The following PDE4D variants were observed in gnomAD, a reference collection of about 807,000 sequenced individuals.
PDE4D encodes 3',5'-cyclic-AMP phosphodiesterase 4D.
In PDE4D, 24 loss-of-function variants were observed where a neutral mutation model predicts 87.4. The ratio of observed to expected loss-of-function variants is 0.27; its 90% confidence interval spans 0.20 to 0.39. The LOEUF (loss-of-function observed/expected upper bound fraction) is 0.39, where lower values mean the gene tolerates loss of function less well. Ranked by LOEUF, PDE4D falls within the 10% of genes least tolerant of loss-of-function variation. The pLI is 1.00. For synonymous variants in PDE4D, 384 were observed against 383.2 expected (o/e 1.00, Z -0.02); for missense variants, 714 against 1,041.0 (o/e 0.69, Z 4.32).
At chr5:59,226,536 C>A (rs1753811961) in intron 1 of PDE4D, among the ~76,000 whole-genome samples, 1 of 152,130 alleles carries the variant, frequency 6.6e-6, no homozygotes, top group Admixed American at 6.6e-5. Context: ...ATCATTTAAT[C>A]ATGCAAGATG....
intron 5 of PDE4D, among the ~76,000 whole-genome samples, chr5:59,155,162 AG>A (rs1397824545): frequency 6.6e-6 from 1 of 152,188 alleles, no homozygotes; most frequent in Non-Finnish European, 1.5e-5. Flanking sequence ...TACAACTATG[AG>A]GTACATGAAA....
In PDE4D at chr5:58,975,960, T is replaced by C; in HGVS notation, c.1831-121A>G. The C allele has an allele frequency of 4.0e-6, 3 of 743,600 alleles. No homozygotes were observed. The highest frequency in any genetic ancestry group is 4.1e-6 in the Non-Finnish European group (2 of 493,680). The allele number at this position is 743,600 out of a possible 1,614,324, so 46.1% of individuals were successfully genotyped here. On this transcript the variant is annotated intron_variant, in intron 13 of 14. Coordinates refer to ENST00000340635, the MANE Select transcript of PDE4D (RefSeq NM_001104631.2). The surrounding 1 kb of genome is among the most constrained non-coding windows in gnomAD (Gnocchi z 4.2). ...ACTTAAAAATACACGTAGTGTAAGATTTATTCCAAACAGCTCAACCATGAT... is the reference window on the plus strand; with the variant it reads ...ACTTAAAAATACACGTAGTGTAAGACTTATTCCAAACAGCTCAACCATGAT...
In PDE4D at chr5:60,274,987, T is replaced by C. The variant is rs1451943852; in HGVS notation, c.-89-89300A>G. Reference sequence around the variant, plus strand: ...ATTCCCTGGGAGATGTGCATGCACATTAAAGCTTGAGACCTGCTGCCTCAG... The same window carrying C: ...ATTCCCTGGGAGATGTGCATGCACACTAAAGCTTGAGACCTGCTGCCTCAG... On this transcript the variant is annotated intron_variant, in intron 1 of 16. Coordinates refer to the PDE4D transcript ENST00000502484. Among the ~76,000 whole-genome samples the C allele has an allele frequency of 2.6e-5, 4 of 152,344 alleles. No homozygotes were observed. In the East Asian group the frequency reaches 7.7e-4, roughly 29 times the overall value.
At chr5:60,415,630 G>A (rs999187025) in intron 1 of PDE4D, among the ~76,000 whole-genome samples, 2 of 152,222 alleles carry the variant, frequency 1.3e-5, no homozygotes, top group Non-Finnish European at 2.9e-5. Flanking sequence ...TTTCTCACCA[G>A]GCCTTAGTTG....
rs193083964 is a variant in PDE4D, at chr5:60,444,191, T to C, written c.-90+43751A>G. Among the ~76,000 whole-genome samples the C allele has an allele frequency of 3.3e-5, 5 of 152,288 alleles. No individual in the cohort carries two copies. In the East Asian group the frequency reaches 9.7e-4, roughly 29 times the overall value. ...TGGTGATATTTCAAAGTTGACATTA[T>C]GGCTTCACCCATTCTGTCCTTACTT... is the stretch of plus-strand genomic sequence containing the variant. On this transcript the variant is annotated intron_variant, in intron 1 of 16. Transcript: ENST00000502484.
At chr5:60,019,510 T>C (rs1262032043) in intron 2 of PDE4D, among the ~76,000 whole-genome samples, 1 of 152,228 alleles carries the variant, frequency 6.6e-6, no homozygotes, top group Non-Finnish European at 1.5e-5. Context: ...CTGTGATCAA[T>C]GGCATTAGCT....
At chr5:60,379,393 A>G (rs1232539048) in intron 1 of PDE4D, among the ~76,000 whole-genome samples, 1 of 152,158 alleles carries the variant, frequency 6.6e-6, no homozygotes, top group Non-Finnish European at 1.5e-5. Flanking sequence ...TTTCTCTGGT[A>G]AAAGAGGTGC....
intron 3 of PDE4D, among the ~76,000 whole-genome samples, chr5:59,911,873 A>T (rs1030183534): frequency 5.3e-5 from 8 of 152,324 alleles, no homozygotes; most frequent in African/African-American, 1.9e-4. Flanking sequence ...TAATGCACTT[A>T]GTTTCTATGA....
intron 2 of PDE4D, among the ~76,000 whole-genome samples, chr5:60,056,535 G>A (rs1309874975): frequency 6.6e-6 from 1 of 152,008 alleles, no homozygotes; most frequent in African/African-American, 2.4e-5. Context: ...TGGAGGGGAG[G>A]GAGGGGCTGT....
At chr5:60,331,619 T>C (rs921197822) in intron 1 of PDE4D, among the ~76,000 whole-genome samples, 3 of 152,176 alleles carry the variant, frequency 2.0e-5, no homozygotes, top group African/African-American at 7.2e-5. Flanking sequence ...ACCCAGACCA[T>C]GGCTTACATG....
At chr5:59,074,158 A>C (rs967255504) in intron 5 of PDE4D, among the ~76,000 whole-genome samples, 2 of 152,242 alleles carry the variant, frequency 1.3e-5, no homozygotes, top group African/African-American at 4.8e-5. Context: ...ACGTTTGTTA[A>C]TAACTTCATA....
intron 5 of PDE4D, among the ~76,000 whole-genome samples, chr5:59,069,286 T>C (rs1282160166): frequency 6.6e-6 from 1 of 152,168 alleles, no homozygotes; most frequent in East Asian, 1.9e-4. Context: ...TCATTAAGAT[T>C]AGCAAACTTC....
intron 1 of PDE4D, among the ~76,000 whole-genome samples, chr5:59,429,987 A>T (rs1049579594): frequency 2.0e-5 from 3 of 152,172 alleles, no homozygotes; most frequent in Non-Finnish European, 4.4e-5. Flanking sequence ...CAATAAATAT[A>T]TCCATTATTT....
At chr5:59,961,523 T>C (rs972253254) in intron 3 of PDE4D, among the ~76,000 whole-genome samples, 5 of 152,106 alleles carry the variant, frequency 3.3e-5, no homozygotes, top group African/African-American at 9.7e-5. Flanking sequence ...GAGAATAAAT[T>C]TCTGCTGTTT....
intron 1 of PDE4D, among the ~76,000 whole-genome samples, chr5:59,670,423 T>G (rs1443418028): frequency 6.6e-6 from 1 of 152,236 alleles, no homozygotes; most frequent in Admixed American, 6.5e-5. Context: ...ACACCTGACC[T>G]CATGTGACAA....
chr5:60,271,331 A>G (rs1382196452), intron 1 of PDE4D, among the ~76,000 whole-genome samples: 2 of 152,176 alleles, frequency 1.3e-5, no homozygotes, highest in African/African-American at 4.8e-5. Flanking sequence ...GAACATTCTT[A>G]AAAGTCCAAT....
chr5:59,740,384 G>A (rs1758663336), intron 1 of PDE4D, among the ~76,000 whole-genome samples: 1 of 152,114 alleles, frequency 6.6e-6, no homozygotes, highest in Non-Finnish European at 1.5e-5. Context: ...AGGGAAAAGA[G>A]TGTGGAAAAG....
chr5:59,794,176 CACACAG>C (rs1185327249), intron 1 of PDE4D, among the ~76,000 whole-genome samples: 3 of 134,640 alleles, frequency 2.2e-5, no homozygotes, highest in African/African-American at 7.9e-5. Flanking sequence ...CACACACACA[CACACAG>C]ACAACTCTAG....
chr5:59,642,536 G>A (rs1741767673), intron 1 of PDE4D, among the ~76,000 whole-genome samples: 1 of 152,122 alleles, frequency 6.6e-6, no homozygotes, highest in South Asian at 2.1e-4. Flanking sequence ...AGTCTCACAA[G>A]ATCTGATGGT....
Sources: gnomAD v4.1 joint callset for allele counts (sites outside exome capture counted in the v4.1 genomes callset) on GRCh38, gnomAD v4.1.1 for gene constraint, Gnocchi (gnomAD v3.1) non-coding constraint, MANE v1.5 for transcripts, NCBI Gene and HGNC (gene_info 2026-07-23, HGNC 2026-07-21) for gene names.